ZNF366: variants seen among roughly 807,000 people sequenced by gnomAD.
The protein encoded by ZNF366 is dendritic cell-specific transcript protein.
Under a neutral mutation model 47.2 loss-of-function variants are expected in ZNF366, and 20 were observed. The observed-to-expected ratio is 0.42, with a 90% CI of 0.30 to 0.62. ZNF366 has a LOEUF of 0.62. Among genes scored for constraint, ZNF366 ranks in the 20% least tolerant of loss-of-function variants. The pLI, the probability that ZNF366 is intolerant of heterozygous loss-of-function variation, is 0.16. For missense variants in ZNF366, 987 were observed against 976.3 expected (o/e 1.01, Z -0.15); for synonymous variants, 421 against 395.1 (o/e 1.07, Z -0.78).
intron 1 of ZNF366, among the ~76,000 whole-genome samples, chr5:72,479,177 T>C (rs771638548): frequency 9.9e-5 from 15 of 152,236 alleles, no homozygotes; most frequent in Non-Finnish European, 1.6e-4. Context: ...TAGGTAGAGA[T>C]GGCTTTAGTG....
chr5:72,467,104 A>T (rs558013335), intron 1 of ZNF366, among the ~76,000 whole-genome samples: 1 of 152,358 alleles, frequency 6.6e-6, no homozygotes, highest in Admixed American at 6.5e-5. Flanking sequence ...GTTGCAACCC[A>T]TTCTTTGTAC....
chr5:72,476,817 G>C (rs1743682281), intron 1 of ZNF366, among the ~76,000 whole-genome samples: 1 of 152,182 alleles, frequency 6.6e-6, no homozygotes, highest in Non-Finnish European at 1.5e-5. Context: ...CTGGGTTGGA[G>C]ATACGGCTAC....
In ZNF366 at chr5:72,492,564, T is replaced by A. The variant is rs145707633; in HGVS notation, c.-15+14687A>T. ...TCATCTTTTAAAGTCAAGCAATAGG[T>A]TCTTTTCTCCTATCTTCAAAACCTC... On this transcript the variant is annotated intron_variant, in intron 1 of 4. Coordinates refer to ENST00000318442, the MANE Select transcript of ZNF366 (RefSeq NM_152625.3). Among the ~76,000 whole-genome samples the A allele has an allele frequency of 4.8e-3, 737 of 152,302 alleles. 1 individual carries two copies. Among genetic ancestry groups the A allele is most frequent in the African/African-American group, 0.017 (694 of 41,578 alleles).
At position 72,440,253 on chromosome 5, in the gene ZNF366, AATAT is replaced by A. The variant is rs1742828873; in HGVS notation, c.*3499_*3502del. ...TTTCTCATGCAACTACTCATATACA[AATAT>A]ACCAGTTACTCTTGTGGGTTTATGA... is the stretch of plus-strand genomic sequence containing the variant. On this transcript the variant is annotated 3_prime_UTR_variant, in exon 5 of 5. Transcript: ENST00000318442. 6.6e-6 allele frequency: 1 copy of A among 152,230 alleles called. No homozygotes were observed. Among genetic ancestry groups the A allele is most frequent in the Non-Finnish European group, 1.5e-5 (1 of 68,040 alleles). The allele number at this position is 152,230 out of a possible 1,614,324, so 9.4% of individuals were successfully genotyped here.
At chr5:72,456,946 T>A (rs1259773411) in intron 2 of ZNF366, among the ~76,000 whole-genome samples, 2 of 152,016 alleles carry the variant, frequency 1.3e-5, no homozygotes, top group Non-Finnish European at 1.5e-5. Context: ...GCAATATGAG[T>A]CCATAATCCA....
Position 72,441,663 on chromosome 5 carries a change from A to T in ZNF366, c.*2093T>A, listed in dbSNP as rs1296861948. The T allele has an allele frequency of 6.6e-6, 1 of 152,270 alleles. No individual in the cohort carries two copies. The highest frequency in any genetic ancestry group is 1.5e-5 in the Non-Finnish European group (1 of 68,072). 9.4% of individuals were successfully genotyped at this position (152,270 alleles called of 1,614,324 possible). A position where few individuals can be genotyped will look rare whatever the true frequency, so the allele number is the denominator to read the frequency against. On this transcript the variant is annotated 3_prime_UTR_variant, in exon 5 of 5. Transcript: ENST00000318442. ...ACACAACACATGGGTGAGTGATGACAACCAGGTGGGGCTAATGGGGCAGCA... is the reference window on the plus strand; with the variant it reads ...ACACAACACATGGGTGAGTGATGACTACCAGGTGGGGCTAATGGGGCAGCA...
At chr5:72,487,025 T>A (rs1731819228) in intron 1 of ZNF366, among the ~76,000 whole-genome samples, 1 of 152,198 alleles carries the variant, frequency 6.6e-6, no homozygotes, top group Non-Finnish European at 1.5e-5. Context: ...TCCACCCGCC[T>A]TGGCCTCCCA....
intron 1 of ZNF366, among the ~76,000 whole-genome samples, chr5:72,471,582 A>T (rs2112337097): frequency 6.6e-6 from 1 of 152,310 alleles, no homozygotes. Context: ...GGCCGTTCCC[A>T]TCATAGTCTA....
intron 3 of ZNF366, among the ~76,000 whole-genome samples, chr5:72,449,970 C>T (rs773670492): frequency 6.6e-6 from 1 of 151,980 alleles, no homozygotes; most frequent in African/African-American, 2.4e-5. Flanking sequence ...GTCCTATAGG[C>T]CAGAAAGAGG....
At chr5:72,505,258 T>G (rs1450203294) in intron 1 of ZNF366, among the ~76,000 whole-genome samples, 1 of 152,014 alleles carries the variant, frequency 6.6e-6, no homozygotes, top group Non-Finnish European at 1.5e-5. Flanking sequence ...GGTGAGTGAG[T>G]AAAGATAGAT....
chr5:72,456,783 C>G (rs1743195425), intron 2 of ZNF366, among the ~76,000 whole-genome samples, 188 bp from the exon 3 acceptor site: 2 of 151,944 alleles, frequency 1.3e-5, no homozygotes, highest in African/African-American at 4.8e-5. Context: ...ATTATATAAC[C>G]TTTTTTTTCC....
At position 72,447,612 on chromosome 5, in the gene ZNF366, C is replaced by A. The variant is rs544881648; in HGVS notation, c.1525-195G>T. Among the ~76,000 whole-genome samples the A allele has an allele frequency of 1.3e-4, 20 of 152,236 alleles. No homozygotes were observed. In the South Asian group the frequency reaches 3.9e-3, roughly 30 times the overall value. ...TAGGGGTAGATTCATGAGATTTGTT[C>A]CTGGATTTCAGAGATCTTTAAATTC... On this transcript the variant is annotated intron_variant, in intron 3 of 4. Coordinates refer to ENST00000318442, the MANE Select transcript of ZNF366 (RefSeq NM_152625.3).
rs1455323524 is a variant in ZNF366, at chr5:72,461,432, G to C, written c.65C>G (p.Thr22Ser). 6.2e-7 allele frequency: 1 copy of C among 1,607,206 alleles called. No homozygotes were observed. The change falls in exon 2 of 5, where the codon ACC becomes AGC. Residue 22 changes from threonine to serine, a missense_variant. Physicochemically the swap from Thr to Ser is moderately conservative, Grantham distance 58. This residue lies in a region of ZNF366 where 591 missense variants were observed against 560.9 expected (regional missense o/e 1.05). Coordinates refer to ENST00000318442, the MANE Select transcript of ZNF366 (RefSeq NM_152625.3). ...DVHFDLAVKK[T>S]PSFPHCLQPV... ...CTGCAGGCAGTGGGGAAAGGAGGGG[G>C]TCTTCTTCACAGCCAAGTCGAAATG...
chr5:72,497,196 A>G (rs766060327), intron 1 of ZNF366, among the ~76,000 whole-genome samples: 1 of 152,174 alleles, frequency 6.6e-6, no homozygotes, highest in Non-Finnish European at 1.5e-5. Context: ...TTGCGTCGTA[A>G]CTAAGAAATC....
At chr5:72,451,550 G>A (rs1343075331) in intron 3 of ZNF366, among the ~76,000 whole-genome samples, 1 of 152,146 alleles carries the variant, frequency 6.6e-6, no homozygotes, top group East Asian at 1.9e-4. Context: ...GAAGGACTTG[G>A]CAAATAGTAA....
rs115206186 is a variant in ZNF366 at position 72,459,383 on chromosome 5, T to A, written c.1332+782A>T. Among the ~76,000 whole-genome samples, 146 of 152,248 alleles carry A rather than the reference T, an allele frequency of 9.6e-4. 1 individual carries two copies. The highest frequency in any genetic ancestry group is 3.2e-3 in the African/African-American group (135 of 41,560). On this transcript the variant is annotated intron_variant, in intron 2 of 4. Transcript: ENST00000318442. ...GAGGCTCAGAGCAGGTTCCATACTTTAGCTGGGGTAAGATTTCAGGAACAC... is the reference window on the plus strand; with the variant it reads ...GAGGCTCAGAGCAGGTTCCATACTTAAGCTGGGGTAAGATTTCAGGAACAC...
Position 72,460,375 on chromosome 5 carries a change from G to C in ZNF366, c.1122C>G (p.Phe374Leu). 1 of 1,614,250 alleles carries C rather than the reference G, an allele frequency of 6.2e-7. No homozygotes were observed. Among genetic ancestry groups the C allele is most frequent in the Non-Finnish European group, 8.5e-7 (1 of 1,180,034 alleles). ...GTCTCTTCAGCTGGGCCAAGGTGGGGAAGTCGAGGCCGCACTCCACACAGA... is the reference window on the plus strand; with the variant it reads ...GTCTCTTCAGCTGGGCCAAGGTGGGCAAGTCGAGGCCGCACTCCACACAGA... ...ENICVECGLDFPTLAQLKRHL... is the reference protein window; with the variant it reads ...ENICVECGLDLPTLAQLKRHL... Residue 374 changes from phenylalanine (F) to leucine (L), a missense_variant, in exon 2 of 5, where the codon TTC becomes TTG. This residue lies in a region of ZNF366 where 591 missense variants were observed against 560.9 expected (regional missense o/e 1.05). Coordinates refer to ENST00000318442, the MANE Select transcript of ZNF366 (RefSeq NM_152625.3).
At chr5:72,494,238 A>G (rs1744069629) in intron 1 of ZNF366, 1 of 152,146 alleles carries the variant, frequency 6.6e-6, no homozygotes, top group South Asian at 2.1e-4. Flanking sequence ...AGATCCGTGG[A>G]GCTATAGGAC....
At chr5:72,461,753 G>T (rs1743318513) in intron 1 of ZNF366, among the ~76,000 whole-genome samples, 1 of 152,202 alleles carries the variant, frequency 6.6e-6, no homozygotes, top group Non-Finnish European at 1.5e-5. Context: ...TTGGGCTCCA[G>T]TGTAAATCCA....
Sources: gnomAD v4.1 joint callset for allele counts (sites outside exome capture counted in the v4.1 genomes callset) on GRCh38, gnomAD v4.1.1 for gene constraint, gnomAD v4.1.1 regional missense constraint, MANE v1.5 for transcripts, NCBI Gene and HGNC (gene_info 2026-07-23, HGNC 2026-07-21) for gene names.